CELF2: variants seen among roughly 807,000 people sequenced by gnomAD.
The protein encoded by CELF2 is CUG triplet repeat RNA-binding protein 2.
A neutral mutation model predicts 62.6 loss-of-function variants in CELF2; 8 were observed. The observed-to-expected ratio is 0.13, with a 90% confidence interval of 0.07 to 0.23. CELF2 has a LOEUF of 0.23. Among genes scored for constraint, CELF2 ranks in the 10% least tolerant of loss-of-function variants. CELF2 has a pLI of 1.00. For synonymous variants in CELF2, 258 were observed against 250.0 expected, an observed-to-expected ratio of 1.03 and a Z score of -0.30; for missense variants, 333 against 671.0, an observed-to-expected ratio of 0.50 and a Z score of 5.56.
Position 11,039,182 on chromosome 10 carries a change from C to T in CELF2, c.74+21019C>T, listed in dbSNP as rs147745842. On this transcript the variant is annotated intron_variant, in intron 1 of 12. Transcript: ENST00000633077. The surrounding 1 kb of genome is among the most constrained non-coding windows in gnomAD (Gnocchi z 4.1). Reference sequence around the variant, plus strand: ...GACACTGAGAGCAGAAACCGTGATGCAGTGAGCCTTCTGCCCACAACACTT... The same window carrying T: ...GACACTGAGAGCAGAAACCGTGATGTAGTGAGCCTTCTGCCCACAACACTT... Among the ~76,000 whole-genome samples the T allele has an allele frequency of 6.6e-6, 1 of 152,322 alleles. No homozygotes were observed. Among genetic ancestry groups the T allele is most frequent in the East Asian group, 1.9e-4 (1 of 5,184 alleles).
At chr10:10,767,967 G>T in the CELF2 span, among the ~76,000 whole-genome samples, 10 of 92,546 alleles carry the variant, frequency 1.1e-4, no homozygotes, top group South Asian at 4.5e-4. Flanking sequence ...CTGCACTCCA[G>T]CCTGGGCGAC....
At position 10,833,593 on chromosome 10, in the gene CELF2, C is replaced by T. The variant is rs550983884; in HGVS notation, c.53+34776C>T. On this transcript the variant is annotated intron_variant, in intron 1 of 13. Coordinates refer to the CELF2 transcript ENST00000636488. ...TCAAGGATTGTGAATCGTGATGATG[C>T]GAACAGTGCGTGCACAGCCCCATGT... Among the ~76,000 whole-genome samples the T allele has an allele frequency of 1.2e-4, 18 of 152,172 alleles. No homozygotes were observed. The South Asian group carries it at 2.9e-3, about 25-fold the overall frequency.
chr10:10,942,054 T>C (rs1463955451), intron 2 of CELF2, among the ~76,000 whole-genome samples: 1 of 152,094 alleles, frequency 6.6e-6, no homozygotes, highest in Non-Finnish European at 1.5e-5. Context: ...TGTTATCATG[T>C]ATCATGCTTG....
chr10:10,593,837 G>C, the CELF2 span, among the ~76,000 whole-genome samples: 1 of 152,202 alleles, frequency 6.6e-6, no homozygotes, highest in Non-Finnish European at 1.5e-5. Flanking sequence ...CTTTGAGCAA[G>C]TTCTTTGACC....
chr10:11,109,806 T>A (rs2054636049), intron 1 of CELF2, among the ~76,000 whole-genome samples: 1 of 152,168 alleles, frequency 6.6e-6, no homozygotes, highest in South Asian at 2.1e-4. Flanking sequence ...TGCATGCACA[T>A]GGTTTATGTT....
At chr10:10,765,076 C>A in the CELF2 span, among the ~76,000 whole-genome samples, 35 of 152,166 alleles carry the variant, frequency 2.3e-4, 1 homozygote, top group Admixed American at 8.5e-4. Context: ...TGGAGGGTCA[C>A]CCACGGCTTG....
rs1299314284 is a variant in CELF2, at chr10:11,211,157, A to G, written c.272-6268A>G. 6.6e-6 allele frequency among the ~76,000 whole-genome samples: 1 copy of G among 152,190 alleles called. No homozygotes were observed. The highest frequency in any genetic ancestry group is 6.5e-5 in the Admixed American group (1 of 15,278). ...GCCTGGTGTAGTGGCACATGCCTGC[A>G]GTCCTGGATACTCAGCAGCCTACAG... On this transcript the variant is annotated intron_variant, in intron 2 of 12. Transcript: ENST00000633077. The surrounding 1 kb of genome is among the most constrained non-coding windows in gnomAD (Gnocchi z 4.8).
At chr10:11,080,721 A>C (rs140094634) in intron 1 of CELF2, among the ~76,000 whole-genome samples, 54 of 152,374 alleles carry the variant, frequency 3.5e-4, no homozygotes, top group African/African-American at 1.2e-3. Flanking sequence ...GGTTAATTTA[A>C]GACTTCTGTG....
At chr10:10,893,786 T>A (rs935115871) in intron 1 of CELF2, among the ~76,000 whole-genome samples, 1 of 151,806 alleles carries the variant, frequency 6.6e-6, no homozygotes, top group Non-Finnish European at 1.5e-5. Flanking sequence ...AACAATCAGA[T>A]CTCGTGAGAG....
chr10:11,303,035 C>G (rs2093913865), intron 9 of CELF2, among the ~76,000 whole-genome samples: 1 of 152,210 alleles, frequency 6.6e-6, no homozygotes, highest in African/African-American at 2.4e-5. Flanking sequence ...GAGGCATCTG[C>G]TTTCTCACCC....
chr10:10,472,138 A>G, the CELF2 span, among the ~76,000 whole-genome samples: 2 of 151,810 alleles, frequency 1.3e-5, no homozygotes, highest in African/African-American at 2.4e-5. Flanking sequence ...TAAATGTTCT[A>G]TGCCAAATTT....
chr10:10,737,594 A>G, the CELF2 span, among the ~76,000 whole-genome samples: 1 of 152,062 alleles, frequency 6.6e-6, no homozygotes, highest in African/African-American at 2.4e-5. Flanking sequence ...CAAGGGGGGA[A>G]GCTTTTCCTA....
chr10:10,988,821 C>T (rs1209515322), intron 2 of CELF2, among the ~76,000 whole-genome samples: 1 of 152,064 alleles, frequency 6.6e-6, no homozygotes, highest in Non-Finnish European at 1.5e-5. Context: ...TGTCATCATT[C>T]ACGAAATAAT....
In CELF2 at chr10:11,328,459, T is replaced by G. The variant is rs1395362072; in HGVS notation, c.1439-467T>G. ...GCAGTATCTGCTGTTCTCCAGCCCTTCCCTTCCCGAGCCTGCCTGTTGGCC... is the reference window on the plus strand; with the variant it reads ...GCAGTATCTGCTGTTCTCCAGCCCTGCCCTTCCCGAGCCTGCCTGTTGGCC... On this transcript the variant is annotated intron_variant, in intron 12 of 12. Transcript: ENST00000633077. This position sits in a 1 kb window ranked among gnomAD's most constrained non-coding sequence, Gnocchi z 6.4. Among the ~76,000 whole-genome samples, 1 of 152,056 alleles carries G rather than the reference T, an allele frequency of 6.6e-6. No homozygotes were observed. The highest frequency in any genetic ancestry group is 1.5e-5 in the Non-Finnish European group (1 of 68,024).
the CELF2 span, among the ~76,000 whole-genome samples, chr10:10,756,758 CTT>C: frequency 6.6e-6 from 1 of 152,224 alleles, no homozygotes; most frequent in African/African-American, 2.4e-5. Flanking sequence ...GAATGATTGT[CTT>C]AGTGCAAATA....
At chr10:10,851,363 C>A (rs1345661752) in intron 1 of CELF2, among the ~76,000 whole-genome samples, 2 of 152,138 alleles carry the variant, frequency 1.3e-5, no homozygotes, top group Non-Finnish European at 2.9e-5. Flanking sequence ...CTATAAACAA[C>A]AAATGATGAT....
intron 5 of CELF2, among the ~76,000 whole-genome samples, chr10:11,258,650 C>G (rs908105473): frequency 2.0e-5 from 3 of 152,218 alleles, no homozygotes; most frequent in African/African-American, 7.2e-5. Flanking sequence ...TGACACTCGT[C>G]TGACTGCACT....
At chr10:11,274,561 G>GC (rs1276058470) in intron 7 of CELF2, among the ~76,000 whole-genome samples, 1 of 152,230 alleles carries the variant, frequency 6.6e-6, no homozygotes, top group African/African-American at 2.4e-5. Context: ...AGTGGTGGCT[G>GC]CAGCTGTACG....
the CELF2 span, among the ~76,000 whole-genome samples, chr10:10,738,203 G>A: frequency 3.3e-5 from 5 of 152,156 alleles, no homozygotes; most frequent in Non-Finnish European, 7.4e-5. Context: ...GATGAACTAG[G>A]TTAGGGTATG....
Sources: allele counts gnomAD v4.1 joint callset (sites outside exome capture counted in the v4.1 genomes callset), GRCh38; gene constraint gnomAD v4.1.1; non-coding constraint Gnocchi (gnomAD v3.1); transcripts MANE v1.5; gene names NCBI Gene and HGNC (gene_info 2026-07-23, HGNC 2026-07-21).